ATXN1: variants seen among roughly 807,000 people sequenced by gnomAD.
ATXN1 encodes ataxin 1, also known as ataxin-1.
ATXN1 carries 8 observed loss-of-function variants against 56.4 expected under a neutral mutation model. The observed-to-expected ratio is 0.14, with a 90% CI of 0.08 to 0.26. The LOEUF (loss-of-function observed/expected upper bound fraction) is 0.26. ATXN1 is among the 10% of genes least tolerant of loss of function. ATXN1 has a pLI of 1.00. For missense variants in ATXN1, 987 were observed against 1,106.5 expected, an observed-to-expected ratio of 0.89 and a Z score of 1.53; for synonymous variants, 514 against 494.6, an observed-to-expected ratio of 1.04 and a Z score of -0.52.
intron 2 of ATXN1, among the ~76,000 whole-genome samples, chr6:16,695,121 T>C (rs558851376): frequency 2.6e-4 from 39 of 152,162 alleles, no homozygotes; most frequent in Non-Finnish European, 5.3e-4. Context: ...CATGGCTCTA[T>C]GGAGACTATG....
Position 16,306,177 on chromosome 6 carries a change from G to A in ATXN1, c.*152C>T. 1 of 1,002,438 alleles carries A rather than the reference G, an allele frequency of 1.0e-6. No individual in the cohort carries two copies. The highest frequency in any genetic ancestry group is 1.6e-5 in the African/African-American group (1 of 61,834). 62.1% of individuals were successfully genotyped at this position (1,002,438 alleles called of 1,614,324 possible). On this transcript the variant is annotated 3_prime_UTR_variant, in exon 8 of 8. Transcript: ENST00000436367. The surrounding 1 kb of genome is among the most constrained non-coding windows in gnomAD (Gnocchi z 5.2). The stretch of plus-strand genomic sequence containing the variant: ...AAAAGCATATGCACCAGTCTCCTGC[G>A]ACACACCTGCTGTAACTCTAATGAC...
chr6:16,491,258 A>T (rs1242312937), intron 5 of ATXN1, among the ~76,000 whole-genome samples: 1 of 107,458 alleles, frequency 9.3e-6, no homozygotes, highest in East Asian at 2.4e-4. Flanking sequence ...ACACCTGGCT[A>T]ATTATTATTA....
chr6:16,552,026 T>C (rs922645863), intron 4 of ATXN1, among the ~76,000 whole-genome samples: 1 of 152,210 alleles, frequency 6.6e-6, no homozygotes, highest in Admixed American at 6.5e-5. Flanking sequence ...TATAGGATGG[T>C]GGACGTGTGC....
At chr6:16,363,630 A>C (rs1285598413) in intron 6 of ATXN1, among the ~76,000 whole-genome samples, 1 of 152,206 alleles carries the variant, frequency 6.6e-6, no homozygotes, top group Non-Finnish European at 1.5e-5. Context: ...TATAAAGTGG[A>C]CCAGTACAGA....
intron 6 of ATXN1, among the ~76,000 whole-genome samples, chr6:16,396,503 A>G (rs1253570590): frequency 6.6e-6 from 1 of 152,228 alleles, no homozygotes; most frequent in Non-Finnish European, 1.5e-5. Flanking sequence ...ACTGAGTGCT[A>G]TTATGAAAGT....
chr6:16,730,954 T>G (rs985731553), intron 2 of ATXN1, among the ~76,000 whole-genome samples: 3 of 152,154 alleles, frequency 2.0e-5, no homozygotes, highest in Non-Finnish European at 4.4e-5. Flanking sequence ...CTTTGTGTAT[T>G]TAAAAGTAGC....
At chr6:16,455,674 C>T (rs1759852337) in intron 6 of ATXN1, among the ~76,000 whole-genome samples, 1 of 152,116 alleles carries the variant, frequency 6.6e-6, no homozygotes, top group African/African-American at 2.4e-5. Context: ...GTGGTACATC[C>T]ATACAATAGA....
chr6:16,627,035 A>C (rs1413997161), intron 3 of ATXN1, among the ~76,000 whole-genome samples: 2 of 152,212 alleles, frequency 1.3e-5, no homozygotes, highest in South Asian at 2.1e-4. Context: ...GCAAACTGAC[A>C]GATACTAAGC....
chr6:16,457,515 G>A lies in ATXN1; in HGVS notation c.-161+28457C>T, dbSNP rs143302184. ...GTCCCGCAAACCCTGAAAAAGAAGC[G>A]GCTTATTTTTTCTGCACTACGGTCT... On this transcript the variant is annotated intron_variant, in intron 6 of 7. Transcript: ENST00000436367. Among the ~76,000 whole-genome samples, 369 of 152,020 alleles carry A rather than the reference G, an allele frequency of 2.4e-3. 1 individual carries two copies. The highest frequency in any genetic ancestry group is 3.5e-3 in the Non-Finnish European group (235 of 67,988).
At chr6:16,604,257 A>G (rs1762961199) in intron 3 of ATXN1, among the ~76,000 whole-genome samples, 1 of 151,622 alleles carries the variant, frequency 6.6e-6, no homozygotes, top group Non-Finnish European at 1.5e-5. Context: ...TTGGAAGGCC[A>G]AGGAGGGAAG....
intron 4 of ATXN1, among the ~76,000 whole-genome samples, chr6:16,576,246 C>T (rs1762420537): frequency 6.6e-6 from 1 of 152,162 alleles, no homozygotes; most frequent in Admixed American, 6.5e-5. Flanking sequence ...TTACTTAATT[C>T]AATTTTCTTG....
intron 3 of ATXN1, among the ~76,000 whole-genome samples, chr6:16,646,120 G>A (rs536756802): frequency 2.2e-4 from 33 of 152,314 alleles, no homozygotes; most frequent in Non-Finnish European, 4.0e-4. Context: ...GCTCTGGGAA[G>A]TTGGGGTGGG....
At chr6:16,513,523 C>T (rs146999919) in intron 5 of ATXN1, among the ~76,000 whole-genome samples, 2 of 152,212 alleles carry the variant, frequency 1.3e-5, no homozygotes, top group Admixed American at 6.5e-5. Context: ...ATGCACCTCC[C>T]CCGGAAAAGA....
intron 4 of ATXN1, among the ~76,000 whole-genome samples, chr6:16,583,551 A>G (rs1263573623): frequency 6.6e-6 from 1 of 152,142 alleles, no homozygotes; most frequent in Non-Finnish European, 1.5e-5. Flanking sequence ...GGAAGAGATG[A>G]GCCAACTAGG....
At chr6:16,642,395 A>AAAAC (rs144904405) in intron 3 of ATXN1, among the ~76,000 whole-genome samples, 1,754 of 152,302 alleles carry the variant, frequency 0.012, 20 homozygotes, top group Middle Eastern at 0.065. Context: ...ACTCCGTCTC[A>AAAAC]AAACAAACAA....
chr6:16,659,297 G>C (rs1758268836), intron 2 of ATXN1, among the ~76,000 whole-genome samples: 1 of 152,204 alleles, frequency 6.6e-6, no homozygotes, highest in African/African-American at 2.4e-5. Flanking sequence ...ACTCAAATGT[G>C]TAAGGCAACA....
At chr6:16,491,090 ATTTTTTTTTTTTTTT>A (rs35884389) in intron 5 of ATXN1, among the ~76,000 whole-genome samples, 1 of 78,310 alleles carries the variant, frequency 1.3e-5, no homozygotes, top group African/African-American at 5.2e-5. Flanking sequence ...GGATCCCTGG[ATTTTTTTTTTTTTTT>A]TTTTTTTTTT....
intron 6 of ATXN1, among the ~76,000 whole-genome samples, chr6:16,366,234 C>T (rs557307768): frequency 7.2e-5 from 11 of 152,274 alleles, no homozygotes; most frequent in Admixed American, 2.6e-4. Flanking sequence ...ACTATCTCCA[C>T]CTTCCTGACC....
intron 6 of ATXN1, among the ~76,000 whole-genome samples, chr6:16,445,598 G>T (rs1759616851): frequency 6.6e-6 from 1 of 151,536 alleles, no homozygotes; most frequent in Admixed American, 6.6e-5. Context: ...ATGTATACAT[G>T]TGCCATGCTG....
Sources: allele counts gnomAD v4.1 joint callset (sites outside exome capture counted in the v4.1 genomes callset), GRCh38; gene constraint gnomAD v4.1.1; non-coding constraint Gnocchi (gnomAD v3.1); transcripts MANE v1.5; gene names NCBI Gene and HGNC (gene_info 2026-07-23, HGNC 2026-07-21).